The following TMEM255A variants were observed in gnomAD, a reference collection of about 807,000 sequenced individuals.
TMEM255A encodes the protein family with sequence similarity 70, member A.
In TMEM255A, 14 loss-of-function variants were observed where a neutral mutation model predicts 23.5. The ratio of observed to expected loss-of-function variants is 0.60; its 90% CI spans 0.39 to 0.93. The LOEUF (loss-of-function observed/expected upper bound fraction) is 0.93. Among genes scored for constraint, TMEM255A ranks in the 40% least tolerant of loss-of-function variants. TMEM255A has a pLI of 0.00. For synonymous variants in TMEM255A, 104 were observed against 100.3 expected (o/e 1.04, Z -0.22); for missense variants, 233 against 261.7 (o/e 0.89, Z 0.76).
chrX:120,296,087 G>A (rs1490361213), intron 2 of TMEM255A, among the ~76,000 whole-genome samples: 7 of 112,094 alleles, frequency 6.2e-5, no homozygotes, highest in African/African-American at 2.3e-4. Flanking sequence ...GTTGAGTTGA[G>A]AGAAATTTGG....
At chrX:120,255,586 G>A, downstream of TMEM255A, 1 of 525,543 alleles carries the variant, frequency 1.9e-6, no homozygotes, top group Non-Finnish European at 3.0e-6. Context: ...ATTTTTAGAA[G>A]CAAATTTTCC....
intron 7 of TMEM255A, among the ~76,000 whole-genome samples, chrX:120,274,217 C>G (rs781792487): frequency 9.0e-6 from 1 of 111,679 alleles, no homozygotes; most frequent in South Asian, 3.8e-4. Flanking sequence ...ATAGGTAAAT[C>G]CATAGGGACA....
chrX:120,274,370 C>T (rs1274343811), intron 7 of TMEM255A, among the ~76,000 whole-genome samples: 1 of 111,807 alleles, frequency 8.9e-6, no homozygotes, highest in Non-Finnish European at 1.9e-5. Flanking sequence ...TACTAAATGC[C>T]ACTGAATTGT....
At chrX:120,305,016 C>T (rs2058055860) in intron 1 of TMEM255A, among the ~76,000 whole-genome samples, 1 of 111,439 alleles carries the variant, frequency 9.0e-6, no homozygotes, top group Non-Finnish European at 1.9e-5. Context: ...TGACATTTGC[C>T]ACCTCATGTA....
At chrX:120,268,531 A>T (rs940402888) in intron 7 of TMEM255A, 144 bp from the exon 8 acceptor site, 5 of 402,726 alleles carry the variant, frequency 1.2e-5, no homozygotes, top group Non-Finnish European at 2.0e-5. Flanking sequence ...GTTGTCCAGG[A>T]TATATTTTTA....
intron 2 of TMEM255A, among the ~76,000 whole-genome samples, chrX:120,301,315 A>T (rs2058032571): frequency 8.9e-6 from 1 of 112,270 alleles, no homozygotes; most frequent in African/African-American, 3.2e-5. Context: ...TAATCTAATA[A>T]CTTCTCCCTA....
chrX:120,308,220 C>G (rs1316099383), intron 1 of TMEM255A, among the ~76,000 whole-genome samples: 1 of 112,154 alleles, frequency 8.9e-6, no homozygotes, highest in Middle Eastern at 4.6e-3. Context: ...GGTCCACAAC[C>G]CATATGATAT....
At chrX:120,284,741 C>T (rs782643369) in intron 6 of TMEM255A, among the ~76,000 whole-genome samples, 35 of 110,996 alleles carry the variant, frequency 3.2e-4, no homozygotes, top group African/African-American at 1.1e-3. Flanking sequence ...AGCCAGGCAC[C>T]GAGAAGGTAC....
intron 2 of TMEM255A, among the ~76,000 whole-genome samples, chrX:120,299,102 C>T (rs2058017545): frequency 9.0e-6 from 1 of 111,577 alleles, no homozygotes; most frequent in Non-Finnish European, 1.9e-5. Context: ...AGGTGAGAAC[C>T]TTGTGGTATT....
chrX:120,293,701 C>T (rs190568657), intron 3 of TMEM255A, among the ~76,000 whole-genome samples: 110 of 111,994 alleles, frequency 9.8e-4, no homozygotes, highest in Admixed American at 3.4e-3. Context: ...TAGGTTGGAG[C>T]ACTCCTTTGG....
chrX:120,289,973 T>C (rs1556022597), intron 4 of TMEM255A, among the ~76,000 whole-genome samples: 3 of 111,473 alleles, frequency 2.7e-5, no homozygotes, highest in East Asian at 2.8e-4. Context: ...AGAATAGGGA[T>C]ACCTTACACA....
chrX:120,283,929 CCT>C (rs782495632), intron 6 of TMEM255A, among the ~76,000 whole-genome samples: 1 of 111,370 alleles, frequency 9.0e-6, no homozygotes, highest in South Asian at 3.8e-4. Context: ...TCTGGCTACA[CCT>C]CTGTCTTACC....
At chrX:120,268,613 A>G in intron 7 of TMEM255A, among the ~76,000 whole-genome samples, 1 of 112,051 alleles carries the variant, frequency 8.9e-6, no homozygotes, top group Admixed American at 9.5e-5. Flanking sequence ...GACCCCCAAA[A>G]TTATACATGT....
At chrX:120,310,469 G>A (rs2058091848) in intron 1 of TMEM255A, among the ~76,000 whole-genome samples, 1 of 111,806 alleles carries the variant, frequency 8.9e-6, no homozygotes, top group South Asian at 3.7e-4. Context: ...CGCCCTGCGA[G>A]GAAAAGCGCG....
intron 1 of TMEM255A, among the ~76,000 whole-genome samples, chrX:120,304,986 AT>A (rs1174780506): frequency 5.4e-5 from 6 of 110,694 alleles, no homozygotes; most frequent in Non-Finnish European, 9.5e-5. Flanking sequence ...AGTTACTGGG[AT>A]TTTTTTTTCA....
At chrX:120,256,840 CAT>C (rs1308063801), downstream of TMEM255A, 1 of 119,179 alleles carries the variant, frequency 8.4e-6, no homozygotes, top group Non-Finnish European at 1.9e-5. Flanking sequence ...GATTGTTGTG[CAT>C]AGTTATTAGT....
chrX:120,269,573 A>G (rs1235613313), intron 7 of TMEM255A, among the ~76,000 whole-genome samples: 2 of 111,933 alleles, frequency 1.8e-5, no homozygotes, highest in East Asian at 5.6e-4. Flanking sequence ...GCAAGTTTCA[A>G]CACAGTTCTG....
intron 2 of TMEM255A, among the ~76,000 whole-genome samples, chrX:120,297,351 A>T (rs1387771513): frequency 5.0e-5 from 5 of 100,748 alleles, no homozygotes; most frequent in Admixed American, 1.2e-4. Context: ...TGCATAAGGT[A>T]GGCTGCTAAA....
chrX:120,255,459 T>C (rs782173779), downstream of TMEM255A: 10 of 1,121,598 alleles, frequency 8.9e-6, 1 homozygote, highest in African/African-American at 1.8e-4. Context: ...CTAGAAAGTT[T>C]TGTTTTGGAT....
Sources: allele counts gnomAD v4.1 joint callset (sites outside exome capture counted in the v4.1 genomes callset), GRCh38; gene constraint gnomAD v4.1.1; transcripts MANE v1.5; gene names NCBI Gene and HGNC (gene_info 2026-07-23, HGNC 2026-07-21).